Variants in CNTNAP5 observed in about 807,000 individuals in gnomAD.
The protein encoded by CNTNAP5 is contactin-associated protein-like 5.
In CNTNAP5, 72 loss-of-function variants were observed where a neutral mutation model predicts 150.2. The ratio of observed to expected loss-of-function variants is 0.48; its 90% CI spans 0.40 to 0.58. The LOEUF (loss-of-function observed/expected upper bound fraction) is 0.58, where lower values mean the gene tolerates loss of function less well. Among genes scored for constraint, CNTNAP5 ranks in the 20% least tolerant of loss-of-function variants. The pLI, the probability that CNTNAP5 is intolerant of heterozygous loss-of-function variation, is 0.00. For synonymous variants in CNTNAP5, 672 were observed against 619.8 expected, an observed-to-expected ratio of 1.08 and a Z score of -1.25; for missense variants, 1,636 against 1,626.2, an observed-to-expected ratio of 1.01 and a Z score of -0.10.
chr2:124,097,730 C>T (rs1573751360), intron 1 of CNTNAP5, among the ~76,000 whole-genome samples: 1 of 152,138 alleles, frequency 6.6e-6, no homozygotes, highest in Admixed American at 6.5e-5. Flanking sequence ...AAAATTCACA[C>T]ATAAATTTTG....
At chr2:124,590,763 A>G (rs959182319) in intron 11 of CNTNAP5, among the ~76,000 whole-genome samples, 9 of 152,204 alleles carry the variant, frequency 5.9e-5, no homozygotes, top group Admixed American at 2.0e-4. Flanking sequence ...GGCCTTAAAA[A>G]TATGTACTCA....
intron 13 of CNTNAP5, among the ~76,000 whole-genome samples, chr2:124,704,994 C>G (rs1679603128): frequency 6.6e-6 from 1 of 152,168 alleles, no homozygotes; most frequent in Non-Finnish European, 1.5e-5. Context: ...ATTCCTTTCC[C>G]CATGCCCAAT....
intron 1 of CNTNAP5, among the ~76,000 whole-genome samples, chr2:124,072,171 A>G (rs1682321033): frequency 6.6e-6 from 1 of 152,034 alleles, no homozygotes; most frequent in East Asian, 1.9e-4. Flanking sequence ...ATAAAATTCA[A>G]CACTGATTCA....
intron 13 of CNTNAP5, among the ~76,000 whole-genome samples, chr2:124,711,097 C>A (rs1334229102): frequency 6.6e-6 from 1 of 151,886 alleles, no homozygotes; most frequent in Admixed American, 6.6e-5. Context: ...ATGGTGAAAC[C>A]CCATCTCTAC....
chr2:124,138,769 T>G (rs1684036635), intron 1 of CNTNAP5, among the ~76,000 whole-genome samples: 1 of 152,138 alleles, frequency 6.6e-6, no homozygotes, highest in Non-Finnish European at 1.5e-5. Flanking sequence ...AAATACGGCA[T>G]GTAAGAACCT....
chr2:124,623,355 A>C (rs1677656244), intron 12 of CNTNAP5, among the ~76,000 whole-genome samples: 1 of 152,142 alleles, frequency 6.6e-6, no homozygotes, highest in Non-Finnish European at 1.5e-5. Flanking sequence ...ACCTGAATAA[A>C]TTCCCATCTC....
chr2:124,668,692 A>G (rs576694190), intron 13 of CNTNAP5, among the ~76,000 whole-genome samples: 2 of 152,312 alleles, frequency 1.3e-5, no homozygotes, highest in Admixed American at 6.5e-5. Flanking sequence ...AAGGTATACC[A>G]TTAGCACTTA....
chr2:124,364,972 T>C (rs1690330731), intron 3 of CNTNAP5, among the ~76,000 whole-genome samples: 1 of 152,256 alleles, frequency 6.6e-6, no homozygotes, highest in East Asian at 1.9e-4. Context: ...ACTGAAATTC[T>C]AAGAGACATA....
chr2:124,902,110 T>C (rs1678425219), intron 21 of CNTNAP5, among the ~76,000 whole-genome samples: 1 of 152,170 alleles, frequency 6.6e-6, no homozygotes, highest in Non-Finnish European at 1.5e-5. Context: ...AATTGCATCA[T>C]AGCAGTTTGT....
At chr2:124,819,605 T>G (rs1240834602) in intron 19 of CNTNAP5, among the ~76,000 whole-genome samples, 1 of 152,170 alleles carries the variant, frequency 6.6e-6, no homozygotes, top group African/African-American at 2.4e-5. Context: ...CAGTGGAGCC[T>G]GCTGGGCTGA....
chr2:124,134,229 ATCCTACCC>A (rs1683925014), intron 1 of CNTNAP5, among the ~76,000 whole-genome samples: 1 of 152,128 alleles, frequency 6.6e-6, no homozygotes, highest in Non-Finnish European at 1.5e-5. Context: ...TAGTTGCCTA[ATCCTACCC>A]TCATTTTCTT....
At chr2:124,852,682 G>A (rs907601204) in intron 19 of CNTNAP5, among the ~76,000 whole-genome samples, 1 of 152,146 alleles carries the variant, frequency 6.6e-6, no homozygotes, top group Non-Finnish European at 1.5e-5. Context: ...GAGGAGGTGA[G>A]GCTGGAATCT....
chr2:124,505,473 T>C (rs1369784622), intron 8 of CNTNAP5, among the ~76,000 whole-genome samples: 1 of 152,044 alleles, frequency 6.6e-6, no homozygotes, highest in Non-Finnish European at 1.5e-5. Flanking sequence ...TGTATACATA[T>C]ATATTTTAAA....
chr2:124,059,285 T>C (rs1681938678), intron 1 of CNTNAP5, among the ~76,000 whole-genome samples: 1 of 152,248 alleles, frequency 6.6e-6, no homozygotes, highest in Non-Finnish European at 1.5e-5. Flanking sequence ...AACTATAAAA[T>C]GAATTCACCA....
At chr2:124,448,654 T>A (rs1394118772) in intron 6 of CNTNAP5, among the ~76,000 whole-genome samples, 5 of 152,206 alleles carry the variant, frequency 3.3e-5, no homozygotes, top group African/African-American at 4.8e-5. Context: ...GGCCTGTTTT[T>A]TTATGATGTG....
At chr2:124,103,412 G>T (rs1683107220) in intron 1 of CNTNAP5, among the ~76,000 whole-genome samples, 3 of 151,836 alleles carry the variant, frequency 2.0e-5, no homozygotes, top group African/African-American at 7.2e-5. Context: ...GATGTCCTAG[G>T]CCTTCACATT....
At chr2:124,528,616 C>G (rs991374906) in intron 10 of CNTNAP5, among the ~76,000 whole-genome samples, 21 of 152,188 alleles carry the variant, frequency 1.4e-4, no homozygotes, top group Admixed American at 9.8e-4. Context: ...GTCTTAGATT[C>G]AATAATATAT....
chr2:124,759,226 G>A (rs1680904657), intron 14 of CNTNAP5, among the ~76,000 whole-genome samples: 2 of 151,546 alleles, frequency 1.3e-5, no homozygotes, highest in Admixed American at 1.3e-4. Context: ...TCTAAGTGGT[G>A]TTGAATCACA....
chr2:124,237,133 A>G (rs568159110), intron 2 of CNTNAP5, among the ~76,000 whole-genome samples: 1 of 152,256 alleles, frequency 6.6e-6, no homozygotes, highest in African/African-American at 2.4e-5. Flanking sequence ...CTGTCAAAAG[A>G]AAAAAGAAAG....
Sources: gnomAD v4.1 joint callset for allele counts (sites outside exome capture counted in the v4.1 genomes callset) on GRCh38, gnomAD v4.1.1 for gene constraint, MANE v1.5 for transcripts, NCBI Gene and HGNC (gene_info 2026-07-23, HGNC 2026-07-21) for gene names.